The following ASGR1 variants were observed in gnomAD, a reference collection of about 807,000 sequenced individuals.
ASGR1 encodes asialoglycoprotein receptor 1.
In ASGR1, 35 loss-of-function variants were observed where a neutral mutation model predicts 33.1. The observed-to-expected ratio is 1.06, with a 90% CI of 0.81 to 1.40. The LOEUF (loss-of-function observed/expected upper bound fraction) is 1.40, where lower values mean the gene tolerates loss of function less well. Among genes scored for constraint, ASGR1 ranks in the 40% most tolerant of loss-of-function variants. The pLI is 0.00. For synonymous variants in ASGR1, 142 were observed against 152.5 expected (o/e 0.93, Z 0.51); for missense variants, 396 against 373.7 (o/e 1.06, Z -0.49).
At chr17:7,176,439 T>A (rs552659266) in intron 5 of ASGR1, among the ~76,000 whole-genome samples, 6 of 126,804 alleles carry the variant, frequency 4.7e-5, no homozygotes, top group South Asian at 4.9e-4. Flanking sequence ...ATTCTCACAC[T>A]CTCACACACA....
At chr17:7,177,473 C>T in intron 2 of ASGR1, 147 bp from the exon 3 acceptor site, 1 of 628,182 alleles carries the variant, frequency 1.6e-6, no homozygotes, top group Non-Finnish European at 2.8e-6. Flanking sequence ...GGCGACCCTG[C>T]AGGGCCAGAG....
rs779247869 is a variant in ASGR1, at chr17:7,174,443, G to A, written c.373C>T (p.Leu125Phe). ...TCAGACACGAACTGCTTCACGTGGA[G>A]CAGCAGGCTGGAGTGATCTGGGGAG... ...DLSEDHSSLLLHVKQFVSDLR... is the reference protein window; with the variant it reads ...DLSEDHSSLLFHVKQFVSDLR... Residue 125 changes from leucine (L) to phenylalanine (F), a missense_variant, in exon 6 of 9, where the codon CTC (leucine) becomes TTC (phenylalanine). Physicochemically the swap from Leu to Phe is conservative, Grantham distance 22 (BLOSUM62 0). Coordinates refer to ENST00000269299, the MANE Select transcript of ASGR1 (RefSeq NM_001671.5). 19 of 1,613,328 alleles carry A rather than the reference G, an allele frequency of 1.2e-5. No homozygotes were observed. In the South Asian group the frequency reaches 2.0e-4, roughly 17 times the overall value.
At chr17:7,176,560 C>T (rs903732750) in intron 5 of ASGR1, 3 of 570,222 alleles carry the variant, frequency 5.3e-6, no homozygotes, top group East Asian at 3.0e-5. Context: ...CACACACACA[C>T]ACCTCATTCT....
Position 7,173,470 on chromosome 17 carries a change from C to A in ASGR1, c.*189G>T. 2.7e-6 allele frequency: 2 copies of A among 730,038 alleles called. No homozygotes were observed. The highest frequency in any genetic ancestry group is 4.3e-6 in the Non-Finnish European group (2 of 462,042). 45.2% of individuals were successfully genotyped at this position (730,038 alleles called of 1,614,324 possible). On this transcript the variant is annotated 3_prime_UTR_variant, in exon 9 of 9. Coordinates refer to ENST00000269299, the MANE Select transcript of ASGR1 (RefSeq NM_001671.5). This position sits in a 1 kb window ranked among gnomAD's most constrained non-coding sequence, Gnocchi z 4.7. ...TTTTTACTCTTAAAAAAAAAAAGTT[C>A]ACAATGATAACCTGCAAACTGCAGA...
At chr17:7,178,246 C>T (rs1244684154) in intron 2 of ASGR1, 1 of 540,396 alleles carries the variant, frequency 1.9e-6, no homozygotes, top group Non-Finnish European at 3.3e-6. Context: ...GTTCCCACAC[C>T]CCCGGGTCCA....
intron 1 of ASGR1, 136 bp from the exon 2 acceptor site, chr17:7,178,724 C>CTTTTTTTTCTTTTTTTTTTTTTTT (rs1243245329): frequency 4.7e-6 from 2 of 427,112 alleles, no homozygotes; most frequent in Non-Finnish European, 3.9e-6. Flanking sequence ...TTTTCTTTTT[C>CTTTTTTTTCTTTTTTTTTTTTTTT]TTTTTTTTCT....
chr17:7,176,644 C>T, intron 5 of ASGR1, 186 bp downstream of exon 5: 1 of 736,968 alleles, frequency 1.4e-6, no homozygotes, highest in Non-Finnish European at 2.2e-6. Flanking sequence ...ATTCTCACAT[C>T]CACACAAGGC....
intron 5 of ASGR1, among the ~76,000 whole-genome samples, chr17:7,174,991 A>C (rs1046661848): frequency 2.1e-5 from 3 of 145,152 alleles, no homozygotes; most frequent in Admixed American, 2.0e-4. Flanking sequence ...ATACATAGAC[A>C]CAACACACCC....
chr17:7,177,339 G>A lies in ASGR1; in HGVS notation c.71-13C>T, dbSNP rs748495945. 7 of 1,611,072 alleles carry A rather than the reference G, an allele frequency of 4.3e-6. No individual in the cohort carries two copies. In the South Asian group the frequency reaches 5.5e-5, roughly 13 times the overall value. On this transcript the variant is annotated splice_polypyrimidine_tract_variant and intron_variant, in intron 2 of 8. Coordinates refer to ENST00000269299, the MANE Select transcript of ASGR1 (RefSeq NM_001671.5). ...GGAGGAGGTGGCCCTGCAAGAGGAG[G>A]GGGTGTCAGGAGCGCGGGGACAGAG...
In ASGR1 at chr17:7,173,784, C is replaced by G. The variant is rs921582679; in HGVS notation, c.751G>C (p.Gly251Arg). Residue 251 changes from glycine (G) to arginine (R), a missense_variant, in exon 9 of 9, where the codon GGA becomes CGA. Transcript: ENST00000269299. This position sits in a 1 kb window ranked among gnomAD's most constrained non-coding sequence, Gnocchi z 4.7. ...GTGAAGTGGGCACAGTCCTCGCCTCCTCCGAGCCCGTGGCCGTACCAGTCG... is the reference window on the plus strand; with the variant it reads ...GTGAAGTGGGCACAGTCCTCGCCTCGTCCGAGCCCGTGGCCGTACCAGTCG... The part of the protein sequence containing the change: ...PDDWYGHGLG[G>R]GEDCAHFTDD... The G allele has an allele frequency of 1.9e-6, 3 of 1,612,920 alleles. No homozygotes were observed. The highest frequency in any genetic ancestry group is 2.5e-6 in the Non-Finnish European group (3 of 1,179,928).
chr17:7,174,548 G>C, intron 5 of ASGR1, 88 bp from the exon 6 acceptor site: 3 of 1,380,514 alleles, frequency 2.2e-6, no homozygotes, highest in Non-Finnish European at 3.0e-6. Flanking sequence ...ACATCCTCCT[G>C]CTGGGACCCG....
Position 7,179,271 on chromosome 17 carries a change from G to C in ASGR1, c.-107C>G, listed in dbSNP as rs1304702183. 3 of 152,774 alleles carry C rather than the reference G, an allele frequency of 2.0e-5. No homozygotes were observed. The highest frequency in any genetic ancestry group is 1.5e-5 in the Non-Finnish European group (1 of 68,490). 9.5% of individuals were successfully genotyped at this position (152,774 alleles called of 1,614,324 possible). A position where few individuals can be genotyped will look rare whatever the true frequency, so the allele number is the denominator to read the frequency against. On this transcript the variant is annotated 5_prime_UTR_variant, in exon 1 of 9. Coordinates refer to ENST00000269299, the MANE Select transcript of ASGR1 (RefSeq NM_001671.5). ...ACTAAGGAGGGGGCTGAAGCTTGGA[G>C]AATGGGGGTGGGCGGACAGCCGTGG... is the stretch of plus-strand genomic sequence containing the variant.
chr17:7,175,340 T>A (rs2069184205), intron 5 of ASGR1, among the ~76,000 whole-genome samples: 1 of 110,092 alleles, frequency 9.1e-6, no homozygotes, highest in Non-Finnish European at 1.9e-5. Flanking sequence ...CAACACACCT[T>A]CACCCACACA....
intron 5 of ASGR1, among the ~76,000 whole-genome samples, chr17:7,176,220 A>AAC (rs201215587): frequency 6.6e-5 from 7 of 105,698 alleles, no homozygotes; most frequent in African/African-American, 1.5e-4. Context: ...CACACTCACA[A>AAC]ACACACACAC....
At chr17:7,178,295 C>T in intron 2 of ASGR1, 199 bp downstream of exon 2, 1 of 605,432 alleles carries the variant, frequency 1.7e-6, no homozygotes, top group East Asian at 2.8e-5. Context: ...CTTTGGGCAC[C>T]TGTCACCAAT....
At chr17:7,176,729 TTCTC>T (rs2069219456) in intron 5 of ASGR1, 97 bp downstream of exon 5, 2 of 1,471,786 alleles carry the variant, frequency 1.4e-6, no homozygotes, top group East Asian at 4.6e-5. Flanking sequence ...CTCCCTCTCA[TTCTC>T]ACACACATCC....
chr17:7,174,100 C>T, intron 7 of ASGR1, 33 bp from the exon 8 acceptor site: 1 of 1,614,078 alleles, frequency 6.2e-7, no homozygotes, highest in Non-Finnish European at 8.5e-7. Context: ...GTGATCTCTC[C>T]GAGGCCAGCC....
chr17:7,175,539 C>T (rs903395891), intron 5 of ASGR1, among the ~76,000 whole-genome samples: 1 of 150,036 alleles, frequency 6.7e-6, no homozygotes, highest in African/African-American at 2.5e-5. Context: ...CATGCACACA[C>T]AATGCACATT....
rs1446692331 is a variant in ASGR1, at chr17:7,177,271, G to C, written c.126C>G (p.Leu42=). The change falls in exon 3 of 9, where the codon CTC becomes CTG. Residue 42 remains leucine (L), a synonymous_variant. Transcript: ENST00000269299. ...LQRLCSGPRL[L]LLSLGLSLLL... ...GGAGGCTGAGGCCCAGGGAGAGCAGGAGGAGGCGAGGTCCGGAGCAGAGAC... is the reference window on the plus strand; with the variant it reads ...GGAGGCTGAGGCCCAGGGAGAGCAGCAGGAGGCGAGGTCCGGAGCAGAGAC... The C allele has an allele frequency of 6.2e-7, 1 of 1,613,756 alleles. No homozygotes were observed. Among genetic ancestry groups the C allele is most frequent in the Admixed American group, 1.7e-5 (1 of 59,952 alleles).
Sources: allele counts gnomAD v4.1 joint callset (sites outside exome capture counted in the v4.1 genomes callset), GRCh38; gene constraint gnomAD v4.1.1; non-coding constraint Gnocchi (gnomAD v3.1); transcripts MANE v1.5; gene names NCBI Gene and HGNC (gene_info 2026-07-23, HGNC 2026-07-21).